Variants in CES2 observed in about 807,000 individuals in gnomAD.
CES2 encodes the protein carboxylesterase 2.
In CES2, 42 loss-of-function variants were observed where a neutral mutation model predicts 52.1. The ratio of observed to expected loss-of-function variants is 0.81; its 90% CI spans 0.63 to 1.04. The LOEUF is 1.04. CES2 is among the 50% of genes least tolerant of loss of function. CES2 has a pLI of 0.00. For missense variants in CES2, 656 were observed against 724.3 expected (o/e 0.91, Z 1.08); for synonymous variants, 277 against 289.6 (o/e 0.96, Z 0.44).
intron 6 of CES2, 110 bp from the exon 7 acceptor site, chr16:66,941,396 G>A: frequency 1.3e-6 from 2 of 1,531,030 alleles, no homozygotes; most frequent in African/African-American, 1.4e-5. Context: ...AATCTCCTGG[G>A]GTGGGTATGA....
intron 8 of CES2, 116 bp from the exon 9 acceptor site, chr16:66,941,989 C>A (rs1597009909): frequency 6.7e-7 from 1 of 1,503,292 alleles, no homozygotes; most frequent in Non-Finnish European, 9.1e-7. Context: ...GGGGTGGGGT[C>A]ACCTCAGAGC....
intron 9 of CES2, 146 bp from the exon 10 acceptor site, chr16:66,942,502 T>C: frequency 5.4e-6 from 5 of 921,524 alleles, no homozygotes; most frequent in Non-Finnish European, 8.0e-6. Context: ...CGCAAGTCCT[T>C]TCCTCTATTC....
chr16:66,936,226 C>T (rs55776835), intron 1 of CES2, among the ~76,000 whole-genome samples: 1 of 152,296 alleles, frequency 6.6e-6, no homozygotes, highest in South Asian at 2.1e-4. Context: ...TAAAGCAGAT[C>T]TAAGAGGCCA....
intron 1 of CES2, among the ~76,000 whole-genome samples, chr16:66,937,721 A>G (rs1004600308): frequency 2.6e-4 from 39 of 152,122 alleles, no homozygotes; most frequent in African/African-American, 8.9e-4. Context: ...TCCCACCATC[A>G]TCCTACTGTC....
rs2241409 is a variant in CES2 at position 66,943,191 on chromosome 16, G to A, written c.1421-108G>A. On this transcript the variant is annotated intron_variant, in intron 10 of 11. Coordinates refer to ENST00000317091, the MANE Select transcript of CES2 (RefSeq NM_001365405.1). This position sits in a 1 kb window ranked among gnomAD's most constrained non-coding sequence, Gnocchi z 4.2. ...TTCTGAGGGCAGTGGAAGAAAAAGC[G>A]GAGAAGCAGGACTGGGGACCGAGGT... The A allele has an allele frequency of 0.19, 213,177 of 1,110,336 alleles. 25,468 individuals carry two copies. The highest frequency in any genetic ancestry group is 0.52 in the African/African-American group (33,118 of 63,900). 68.8% of individuals were successfully genotyped at this position (1,110,336 alleles called of 1,614,324 possible). A position where few individuals can be genotyped will look rare whatever the true frequency, so the allele number is the denominator to read the frequency against.
chr16:66,944,119 T>C lies in CES2; in HGVS notation c.*94T>C. Reference sequence around the variant, plus strand: ...ACCCACTAAGGAGAAAGAAGTTGATTCCTTCATTCACTTCGCCATTCATTC... The same window carrying C: ...ACCCACTAAGGAGAAAGAAGTTGATCCCTTCATTCACTTCGCCATTCATTC... On this transcript the variant is annotated 3_prime_UTR_variant, in exon 12 of 12. Coordinates refer to ENST00000317091, the MANE Select transcript of CES2 (RefSeq NM_001365405.1). 1 of 574,480 alleles carries C rather than the reference T, an allele frequency of 1.7e-6. No homozygotes were observed. Among genetic ancestry groups the C allele is most frequent in the Non-Finnish European group, 2.9e-6 (1 of 345,114 alleles). The allele number at this position is 574,480 out of a possible 1,614,324, so 35.6% of individuals were successfully genotyped here. A position where few individuals can be genotyped will look rare whatever the true frequency, so the allele number is the denominator to read the frequency against.
At chr16:66,942,005 C>A in intron 8 of CES2, 100 bp from the exon 9 acceptor site, 1 of 1,523,804 alleles carries the variant, frequency 6.6e-7, no homozygotes, top group Non-Finnish European at 8.9e-7. Context: ...AGAGCCTCGC[C>A]TTTGCTCCCC....
rs776761761 is a variant in CES2, at chr16:66,942,786, G to A, written c.1420+1G>A. On this transcript the variant is annotated splice_donor_variant, in intron 10 of 11. Transcript: ENST00000317091. LOFTEE classifies it high-confidence loss of function. The stretch of plus-strand genomic sequence containing the variant: ...AGAAGTTTCTTTGGGGGCAACTACA[G>A]TGAGTCTTCTTCCTTTCCCGGGAGG... 1.1e-5 allele frequency: 17 copies of A among 1,614,132 alleles called. 1 individual carries two copies. The South Asian group carries it at 1.5e-4, about 15-fold the overall frequency.
intron 5 of CES2, 47 bp downstream of exon 5, chr16:66,940,742 T>G: frequency 6.3e-7 from 1 of 1,590,400 alleles, no homozygotes; most frequent in Non-Finnish European, 8.6e-7. Flanking sequence ...CCTCCCCTCA[T>G]ATCCCTCAGA....
chr16:66,941,947 C>A, intron 8 of CES2, 99 bp downstream of exon 8: 1 of 1,567,840 alleles, frequency 6.4e-7, no homozygotes, highest in African/African-American at 1.4e-5. Context: ...TGTAGTGACC[C>A]CCATGAGCAA....
rs1437723007 is a variant in CES2 at position 66,941,218 on chromosome 16, A to T, written c.911A>T (p.Asn304Ile). 6.8e-6 allele frequency: 11 copies of T among 1,614,084 alleles called. No homozygotes were observed. Among genetic ancestry groups the T allele is most frequent in the Middle Eastern group, 3.3e-4 (2 of 6,058 alleles). ...AGTAAAGAGGAGATTCTTGCAATTA[A>T]CAAGGTTGGTCTAAATGGATGTGGG... Reference protein sequence around the residue: ...GKSKEEILAINKPFKMIPGVV... With the variant: ...GKSKEEILAIIKPFKMIPGVV... Residue 304 changes from asparagine (N) to isoleucine (I), a missense_variant, in exon 6 of 12, where the codon AAC becomes ATC. By Grantham distance (149) the Asn-to-Ile change is moderately radical (BLOSUM62 -3). Coordinates refer to ENST00000317091, the MANE Select transcript of CES2 (RefSeq NM_001365405.1).
Position 66,943,597 on chromosome 16 carries a change from G to A in CES2, c.1493+226G>A, listed in dbSNP as rs919435770. On this transcript the variant is annotated intron_variant, in intron 11 of 11. Coordinates refer to ENST00000317091, the MANE Select transcript of CES2 (RefSeq NM_001365405.1). This position sits in a 1 kb window ranked among gnomAD's most constrained non-coding sequence, Gnocchi z 4.2. ...GGGTGGGCGCCAGTGCTGTGCCACC[G>A]TCAGGGCCTCCCTCTCAGAGAGAGG... 2.0e-5 allele frequency: 12 copies of A among 586,546 alleles called. No homozygotes were observed. The highest frequency in any genetic ancestry group is 7.5e-5 in the African/African-American group (4 of 53,568). 36.3% of individuals were successfully genotyped at this position (586,546 alleles called of 1,614,324 possible). A position where few individuals can be genotyped will look rare whatever the true frequency, so the allele number is the denominator to read the frequency against.
chr16:66,935,920 C>A, intron 1 of CES2: 1 of 1,440,430 alleles, frequency 6.9e-7, no homozygotes, highest in Non-Finnish European at 9.1e-7. Flanking sequence ...GGGGACACCA[C>A]GGCAAGGAAC....
chr16:66,940,094 G>A, intron 3 of CES2, 128 bp from the exon 4 acceptor site: 7 of 1,316,614 alleles, frequency 5.3e-6, no homozygotes, highest in Non-Finnish European at 7.3e-6. Flanking sequence ...ATTTGCCCAT[G>A]TAATGAATTT....
chr16:66,934,539 G>T, upstream of CES2: 1 of 973,228 alleles, frequency 1.0e-6, no homozygotes, highest in Non-Finnish European at 1.5e-6. This position sits in a 1 kb window ranked among gnomAD's most constrained non-coding sequence, Gnocchi z 4.1. Context: ...TGGCTGCTCG[G>T]ACCCGGGAAC....
rs1597011440 is a variant in CES2 at position 66,943,640 on chromosome 16, T to C, written c.1494-199T>C. On this transcript the variant is annotated intron_variant, in intron 11 of 11. Transcript: ENST00000317091. The surrounding 1 kb of genome is among the most constrained non-coding windows in gnomAD (Gnocchi z 4.2). The stretch of plus-strand genomic sequence containing the variant: ...GAGAGAGGGACACAACAGAGCTGGC[T>C]GCCCTCCCCCAACCCCCACTGGTGC... The C allele has an allele frequency of 3.4e-6, 2 of 582,000 alleles. No individual in the cohort carries two copies. Among genetic ancestry groups the C allele is most frequent in the East Asian group, 2.9e-5 (1 of 34,828 alleles). The allele number at this position is 582,000 out of a possible 1,614,324, so 36.1% of individuals were successfully genotyped here.
At chr16:66,939,050 C>T (rs1411620304) in intron 2 of CES2, among the ~76,000 whole-genome samples, 167 bp from the exon 3 acceptor site, 2 of 152,172 alleles carry the variant, frequency 1.3e-5, no homozygotes, top group African/African-American at 4.8e-5. Context: ...CCCAGCTTCC[C>T]CAGAGCCTGT....
At chr16:66,936,353 A>G (rs1020840740) in intron 1 of CES2, among the ~76,000 whole-genome samples, 2 of 152,102 alleles carry the variant, frequency 1.3e-5, no homozygotes, top group African/African-American at 4.8e-5. Flanking sequence ...TGAGACTCGG[A>G]GTGTACAAAA....
intron 2 of CES2, chr16:66,938,451 G>T: frequency 5.1e-6 from 3 of 587,948 alleles, no homozygotes; most frequent in Non-Finnish European, 9.1e-6. Flanking sequence ...ATCAGGGCTT[G>T]GCATTCAGAA....
Sources: allele counts gnomAD v4.1 joint callset (sites outside exome capture counted in the v4.1 genomes callset), GRCh38; gene constraint gnomAD v4.1.1; non-coding constraint Gnocchi (gnomAD v3.1); transcripts MANE v1.5; gene names NCBI Gene and HGNC (gene_info 2026-07-23, HGNC 2026-07-21).